SYTL2: variants seen among roughly 807,000 people sequenced by gnomAD.
The protein encoded by SYTL2 is synaptotagmin-like protein 2.
SYTL2 carries 165 observed loss-of-function variants against 198.7 expected under a neutral mutation model. The observed-to-expected ratio is 0.83, with a 90% CI of 0.73 to 0.94. The LOEUF is 0.94. Ranked by LOEUF, SYTL2 falls within the 40% of genes least tolerant of loss-of-function variation. The pLI, the probability that SYTL2 is intolerant of heterozygous loss-of-function variation, is 0.00. For synonymous variants in SYTL2, 966 were observed against 917.7 expected (o/e 1.05, Z -0.95); for missense variants, 2,835 against 2,582.8 (o/e 1.10, Z -2.12).
At chr11:85,781,670 T>C (rs1303303844) in intron 1 of SYTL2, among the ~76,000 whole-genome samples, 2 of 152,180 alleles carry the variant, frequency 1.3e-5, no homozygotes, top group East Asian at 1.9e-4. Context: ...AATACACCCA[T>C]TCTAAATGGG....
chr11:85,771,288 C>T (rs1461254361), intron 1 of SYTL2, among the ~76,000 whole-genome samples: 2 of 152,184 alleles, frequency 1.3e-5, no homozygotes, highest in East Asian at 1.9e-4. Flanking sequence ...TGGATCTCTG[C>T]GATCATCAGT....
At chr11:85,816,652 G>A in the SYTL2 span, among the ~76,000 whole-genome samples, 3 of 152,198 alleles carry the variant, frequency 2.0e-5, no homozygotes, top group African/African-American at 4.8e-5. Context: ...GCTCACGCCT[G>A]TAATACCAAC....
chr11:85,842,725 T>C, the SYTL2 span, among the ~76,000 whole-genome samples: 1 of 152,190 alleles, frequency 6.6e-6, no homozygotes, highest in Non-Finnish European at 1.5e-5. Context: ...TCAGAAACTC[T>C]TTCCTAAGAG....
At position 85,745,676 on chromosome 11, in the gene SYTL2, A is replaced by T; in HGVS notation, c.350T>A (p.Val117Glu). The T allele has an allele frequency of 6.2e-7, 1 of 1,613,886 alleles. No individual in the cohort carries two copies. The highest frequency in any genetic ancestry group is 1.1e-5 in the South Asian group (1 of 91,066). The change falls in exon 4 of 20, where the codon GTA (valine) becomes GAA (glutamate). Residue 117 changes from valine to glutamate, a missense_variant. Around this residue, in one of 3 missense-constraint regions of SYTL2, gnomAD observed 2,645 missense variants for 2,381.7 expected, o/e 1.11. Transcript: ENST00000359152. ...TGCTGCATCTTCTTCTGGCTCTTCT[A>T]CAACGCCAGCCAGCTCTGGAGGAAG... ...AFLPPELAGV[V>E]EEPEEDAAPA...
intron 1 of SYTL2, among the ~76,000 whole-genome samples, chr11:85,772,263 A>G (rs761049275): frequency 1.3e-5 from 2 of 152,258 alleles, no homozygotes; most frequent in African/African-American, 2.4e-5. Context: ...AGAAAGGTTC[A>G]TAGTACAGTC....
the SYTL2 span, among the ~76,000 whole-genome samples, chr11:85,826,743 T>C: frequency 6.6e-6 from 1 of 152,128 alleles, no homozygotes; most frequent in South Asian, 2.1e-4. Flanking sequence ...TGGAGGTGGA[T>C]GTGCTATAAA....
Position 85,745,782 on chromosome 11 carries a change from G to A in SYTL2, c.254-10C>T, listed in dbSNP as rs541571315. 1.1e-5 allele frequency: 17 copies of A among 1,605,664 alleles called. No individual in the cohort carries two copies. The South Asian group carries it at 1.8e-4, about 17-fold the overall frequency. ...TCTTTACTCTGCTCAGCTGAAACAG[G>A]AAACAGTAAAGACAGGAAGGTTATC... On this transcript the variant is annotated splice_polypyrimidine_tract_variant and intron_variant, in intron 3 of 19. Transcript: ENST00000359152.
chr11:85,720,863 G>T lies in SYTL2; in HGVS notation c.5423C>A (p.Ser1808Ter). The change falls in exon 9 of 20, where the codon TCA (serine) becomes TAA (stop). Residue 1808 changes from serine (S) to a stop codon, truncating the protein, a stop_gained. Transcript: ENST00000359152. LOFTEE classifies it high-confidence loss of function. ...GAGGCGAACTTTATTCTCACTTGAT[G>T]AATCTGATGAAATGTCTTCTAGACT... ...SKSLEDISSD[S>*]SNQAKVDNQP... The T allele has an allele frequency of 1.9e-6, 3 of 1,609,964 alleles. No individual in the cohort carries two copies. Among genetic ancestry groups the T allele is most frequent in the Non-Finnish European group, 2.6e-6 (3 of 1,176,266 alleles).
intron 1 of SYTL2, among the ~76,000 whole-genome samples, chr11:85,772,963 A>G (rs1430567361): frequency 1.3e-5 from 2 of 152,334 alleles, no homozygotes; most frequent in East Asian, 3.9e-4. Context: ...TGCAGTCCCC[A>G]TGATAAATCC....
At chr11:85,759,237 C>T (rs1470808699) in intron 1 of SYTL2, among the ~76,000 whole-genome samples, 1 of 142,530 alleles carries the variant, frequency 7.0e-6, no homozygotes, top group Non-Finnish European at 1.5e-5. Context: ...CAGAGTGAGA[C>T]TCCTTATCAA....
At chr11:85,852,180 A>C in the SYTL2 span, among the ~76,000 whole-genome samples, 198 of 152,316 alleles carry the variant, frequency 1.3e-3, no homozygotes, top group Non-Finnish European at 2.2e-3. Flanking sequence ...AAATATGATA[A>C]TCCATTTTTT....
rs775377804 is a variant in SYTL2 at position 85,725,007 on chromosome 11, C to T, written c.4351G>A (p.Ala1451Thr). 6.8e-6 allele frequency: 11 copies of T among 1,613,992 alleles called. No individual in the cohort carries two copies. Among genetic ancestry groups the T allele is most frequent in the Middle Eastern group, 1.6e-4 (1 of 6,062 alleles). ...DKTHEVGSYL[A>T]AQMSPSDQTL... ...TGGTCTGATGGAGACATTTGGGCAG[C>T]TAAATAAGATCCAACTTCATGAGTT... Residue 1451 changes from alanine (A) to threonine (T), a missense_variant, in exon 8 of 20, where the codon GCT becomes ACT. Transcript: ENST00000359152.
chr11:85,763,140 T>C (rs1037717244), intron 1 of SYTL2, among the ~76,000 whole-genome samples: 36 of 152,202 alleles, frequency 2.4e-4, no homozygotes, highest in African/African-American at 7.7e-4. Flanking sequence ...GGTTATCTCA[T>C]GCATATGATG....
intron 1 of SYTL2, among the ~76,000 whole-genome samples, chr11:85,789,154 A>C (rs961966151): frequency 6.7e-6 from 1 of 150,322 alleles, no homozygotes; most frequent in African/African-American, 2.4e-5. Flanking sequence ...TCTGTTGCCC[A>C]GGCACAATCC....
At chr11:85,730,956 A>G (rs980031182) in intron 7 of SYTL2, among the ~76,000 whole-genome samples, 2 of 152,214 alleles carry the variant, frequency 1.3e-5, no homozygotes, top group African/African-American at 4.8e-5. Flanking sequence ...AATAATAAAG[A>G]GCCAAATCAT....
intron 1 of SYTL2, among the ~76,000 whole-genome samples, chr11:85,780,821 C>T (rs2092547177): frequency 6.6e-6 from 1 of 152,244 alleles, no homozygotes; most frequent in African/African-American, 2.4e-5. Context: ...ATATAGGTGA[C>T]AACCTATTAC....
chr11:85,731,746 A>C (rs2089852396), intron 7 of SYTL2, among the ~76,000 whole-genome samples: 1 of 152,234 alleles, frequency 6.6e-6, no homozygotes, highest in Admixed American at 6.5e-5. Flanking sequence ...ATCTAATTAA[A>C]CTAAAGAGCT....
chr11:85,764,806 G>A (rs78167680), intron 1 of SYTL2, among the ~76,000 whole-genome samples: 2,285 of 152,278 alleles, frequency 0.015, 52 homozygotes, highest in African/African-American at 0.052. Context: ...GTGTCAACAT[G>A]CACCTATTTA....
intron 2 of SYTL2, among the ~76,000 whole-genome samples, chr11:85,756,109 G>C (rs964121008): frequency 9.9e-5 from 15 of 152,146 alleles, no homozygotes; most frequent in African/African-American, 3.6e-4. Flanking sequence ...CAAATGTCAG[G>C]GTTGCTGTGA....
Sources: allele counts gnomAD v4.1 joint callset (sites outside exome capture counted in the v4.1 genomes callset), GRCh38; gene constraint gnomAD v4.1.1; regional missense constraint gnomAD v4.1.1; transcripts MANE v1.5; gene names NCBI Gene and HGNC (gene_info 2026-07-23, HGNC 2026-07-21).